TNN: variants seen among roughly 807,000 people sequenced by gnomAD.
TNN encodes tenascin N, also known as tenascin-N.
TNN carries 122 observed loss-of-function variants against 134.4 expected under a neutral mutation model. The ratio of observed to expected loss-of-function variants is 0.91; its 90% CI spans 0.78 to 1.06. TNN has a LOEUF of 1.06. Among genes scored for constraint, TNN ranks in the 50% least tolerant of loss-of-function variants. TNN has a pLI of 0.00. For missense variants in TNN, 1,739 were observed against 1,699.4 expected (o/e 1.02, Z -0.41); for synonymous variants, 710 against 670.3 (o/e 1.06, Z -0.91).
In TNN at chr1:175,091,793, T is replaced by A. The variant is rs182691215; in HGVS notation, c.1325-2197T>A. On this transcript the variant is annotated intron_variant, in intron 6 of 18. Coordinates refer to ENST00000239462, the MANE Select transcript of TNN (RefSeq NM_022093.2). ...TTAGTAGAGACACGGTTTTGCCATG[T>A]TGGCCAGGCTAGTCTCGAACTCCTG... Among the ~76,000 whole-genome samples the A allele has an allele frequency of 5.8e-3, 880 of 152,246 alleles. 9 individuals carry two copies. The highest frequency in any genetic ancestry group is 0.02 in the African/African-American group (836 of 41,540).
intron 15 of TNN, 93 bp downstream of exon 15, chr1:175,128,839 C>A: frequency 7.6e-7 from 1 of 1,313,620 alleles, no homozygotes; most frequent in Non-Finnish European, 1.0e-6. Context: ...TGTTTGGAGC[C>A]CTATTTCTTC....
chr1:175,096,254 G>A (rs1246823187), intron 7 of TNN, among the ~76,000 whole-genome samples: 1 of 152,224 alleles, frequency 6.6e-6, no homozygotes, highest in Non-Finnish European at 1.5e-5. Flanking sequence ...AGCAGTGGAG[G>A]CAGCATATGC....
chr1:175,121,368 C>T (rs890065938), intron 11 of TNN, among the ~76,000 whole-genome samples: 7 of 152,140 alleles, frequency 4.6e-5, no homozygotes, highest in African/African-American at 1.4e-4. Context: ...GAAAAGAGGC[C>T]AGTTTTGCTG....
At position 175,118,823 on chromosome 1, in the gene TNN, A is replaced by T. The variant is rs776526694; in HGVS notation, c.2649A>T (p.Thr883=). Residue 883 remains threonine (T), a splice_region_variant and synonymous_variant, in exon 11 of 19, where the codon ACA becomes ACT. Coordinates refer to ENST00000239462, the MANE Select transcript of TNN (RefSeq NM_022093.2). ...AGAAGGCTGACACCAAGGCCCAGACAGGTAATAGAAGTGAAGAGAAGAGCA... is the reference window on the plus strand; with the variant it reads ...AGAAGGCTGACACCAAGGCCCAGACTGGTAATAGAAGTGAAGAGAAGAGCA... ...ESKKADTKAQ[T]EIDGPKNLVT... The T allele has an allele frequency of 1.9e-6, 3 of 1,614,110 alleles. No individual in the cohort carries two copies. Among genetic ancestry groups the T allele is most frequent in the Non-Finnish European group, 2.5e-6 (3 of 1,179,986 alleles).
intron 18 of TNN, among the ~76,000 whole-genome samples, chr1:175,144,891 A>G (rs1348332484): frequency 1.3e-5 from 2 of 152,190 alleles, no homozygotes; most frequent in Non-Finnish European, 2.9e-5. Flanking sequence ...TAACAAAATA[A>G]CACAGACCAG....
At chr1:175,139,419 C>T in intron 17 of TNN, among the ~76,000 whole-genome samples, 1 of 151,890 alleles carries the variant, frequency 6.6e-6, no homozygotes, top group East Asian at 1.9e-4. Context: ...GTGTTAAAAA[C>T]TAAGACACAA....
intron 1 of TNN, among the ~76,000 whole-genome samples, chr1:175,072,805 A>G (rs889472805): frequency 3.9e-5 from 6 of 152,122 alleles, no homozygotes; most frequent in Admixed American, 1.3e-4. Context: ...TCAGAAGGAC[A>G]GGCAACACCA....
chr1:175,068,737 T>C (rs1047949345), intron 1 of TNN, among the ~76,000 whole-genome samples: 1 of 152,016 alleles, frequency 6.6e-6, no homozygotes, highest in East Asian at 1.9e-4. Context: ...AGAAACTCCG[T>C]CTCTACTAAA....
intron 15 of TNN, among the ~76,000 whole-genome samples, chr1:175,134,046 T>C (rs1675737458): frequency 6.6e-6 from 1 of 152,128 alleles, no homozygotes; most frequent in Non-Finnish European, 1.5e-5. Context: ...ATGGACATCC[T>C]CCTCCTGTGT....
chr1:175,143,932 T>C (rs1331811281), intron 17 of TNN, among the ~76,000 whole-genome samples: 2 of 57,678 alleles, frequency 3.5e-5, no homozygotes, highest in Non-Finnish European at 7.5e-5. Context: ...CATAGGGGTG[T>C]ATGTGAGTGA....
At chr1:175,097,960 G>A (rs1214405813) in intron 8 of TNN, among the ~76,000 whole-genome samples, 1 of 152,162 alleles carries the variant, frequency 6.6e-6, no homozygotes, top group Non-Finnish European at 1.5e-5. Context: ...TCATTGCAGT[G>A]CTTGTGATAA....
At chr1:175,074,484 G>GAAAAA (rs55952749) in intron 1 of TNN, among the ~76,000 whole-genome samples, 43 of 119,026 alleles carry the variant, frequency 3.6e-4, no homozygotes, top group East Asian at 8.8e-4. Flanking sequence ...GATCCTGTCT[G>GAAAAA]AAAAAAAAAA....
At position 175,079,323 on chromosome 1, in the gene TNN, T is replaced by TAGAG; in HGVS notation, c.410-10_410-9insAGAG. 2 of 1,578,018 alleles carry TAGAG rather than the reference T, an allele frequency of 1.3e-6. No individual in the cohort carries two copies. The highest frequency in any genetic ancestry group is 1.7e-6 in the Non-Finnish European group (2 of 1,170,602). On this transcript the variant is annotated splice_polypyrimidine_tract_variant and intron_variant, in intron 2 of 18. Coordinates refer to ENST00000239462, the MANE Select transcript of TNN (RefSeq NM_022093.2). ...TCAACCCAACCTACTGTTTCTCCTC[T>TAGAG]CCCTCCCAGATCTAAGCCGCCACTG...
At chr1:175,136,424 T>C (rs1409539836) in intron 16 of TNN, among the ~76,000 whole-genome samples, 2 of 152,230 alleles carry the variant, frequency 1.3e-5, no homozygotes, top group Admixed American at 1.3e-4. Context: ...ATAGTTCAGA[T>C]ACCCAGTGTC....
intron 9 of TNN, among the ~76,000 whole-genome samples, chr1:175,101,268 G>T (rs1180717705): frequency 1.3e-5 from 2 of 152,138 alleles, no homozygotes; most frequent in Non-Finnish European, 2.9e-5. Flanking sequence ...TGAAGCTGCA[G>T]ACCTTCGCGG....
chr1:175,135,868 G>A lies in TNN; in HGVS notation c.3354G>A (p.Gly1118=). 6.2e-7 allele frequency: 1 copy of A among 1,613,910 alleles called. No individual in the cohort carries two copies. The highest frequency in any genetic ancestry group is 1.1e-5 in the South Asian group (1 of 91,080). The change falls in exon 16 of 19, where the codon GGG becomes GGA. Residue 1118 remains glycine (G), a synonymous_variant. Transcript: ENST00000239462. ...AGGTCTTCCAGAGGCGGAACACTGG[G>A]CAGCTGGATTTCTTCAAGCGATGGA... ...GWIVFQRRNT[G]QLDFFKRWRS...
At position 175,128,128 on chromosome 1, in the gene TNN, C is replaced by T. The variant is rs201311212; in HGVS notation, c.3142C>T (p.Arg1048Cys). The part of the protein sequence containing the change: ...PVSLVAFKGG[R>C]RSRNVSTTLS... ...CTCCCTTGTTGCCTTTAAGGGTGGTCGCCGGAGCAGAAATGTATCCACCAC... is the reference window on the plus strand; with the variant it reads ...CTCCCTTGTTGCCTTTAAGGGTGGTTGCCGGAGCAGAAATGTATCCACCAC... The change falls in exon 14 of 19, where the codon CGC (arginine) becomes TGC (cysteine). Residue 1048 changes from arginine to cysteine, a missense_variant. Coordinates refer to ENST00000239462, the MANE Select transcript of TNN (RefSeq NM_022093.2). The T allele has an allele frequency of 2.5e-4, 408 of 1,611,744 alleles. No individual in the cohort carries two copies. The highest frequency in any genetic ancestry group is 4.2e-4 in the South Asian group (38 of 90,916).
chr1:175,089,448 G>A (rs761426342), intron 6 of TNN, among the ~76,000 whole-genome samples: 3 of 152,186 alleles, frequency 2.0e-5, no homozygotes, highest in Non-Finnish European at 4.4e-5. Context: ...GGAGCAGCAA[G>A]CATACGCCAG....
chr1:175,139,281 A>T (rs1014570557), intron 17 of TNN, among the ~76,000 whole-genome samples: 7 of 152,328 alleles, frequency 4.6e-5, no homozygotes, highest in African/African-American at 1.2e-4. Context: ...TTGGAGTAAC[A>T]CTTCGCTTAA....
Sources: gnomAD v4.1 joint callset for allele counts (sites outside exome capture counted in the v4.1 genomes callset) on GRCh38, gnomAD v4.1.1 for gene constraint, MANE v1.5 for transcripts, NCBI Gene and HGNC (gene_info 2026-07-23, HGNC 2026-07-21) for gene names.